KCNMB2: variants seen among roughly 807,000 people sequenced by gnomAD.
The protein encoded by KCNMB2 is calcium-activated potassium channel subunit beta-2.
KCNMB2 carries 9 observed loss-of-function variants against 24.5 expected under a neutral mutation model. The observed-to-expected ratio is 0.37, with a 90% CI of 0.22 to 0.64. KCNMB2 has a LOEUF of 0.64. Among genes scored for constraint, KCNMB2 ranks in the 30% least tolerant of loss-of-function variants. The probability of loss-of-function intolerance (pLI) is 0.63; values close to 1 mark genes in which losing one functional copy is unlikely to be tolerated. For synonymous variants in KCNMB2, 109 were observed against 104.4 expected, an observed-to-expected ratio of 1.04 and a Z score of -0.27; for missense variants, 226 against 284.3, an observed-to-expected ratio of 0.79 and a Z score of 1.47.
intron 1 of KCNMB2, among the ~76,000 whole-genome samples, chr3:178,629,003 A>G (rs1328457700): frequency 6.6e-6 from 1 of 152,160 alleles, no homozygotes; most frequent in African/African-American, 2.4e-5. Flanking sequence ...ATTTAACTGA[A>G]GCAAATTTAA....
chr3:178,785,844 T>C (rs1713080142), intron 1 of KCNMB2, among the ~76,000 whole-genome samples: 1 of 152,162 alleles, frequency 6.6e-6, no homozygotes. Context: ...AATAAACAGC[T>C]CTGTGTAAAT....
intron 4 of KCNMB2, among the ~76,000 whole-genome samples, chr3:178,840,364 CT>C (rs1359071087): frequency 6.6e-6 from 1 of 152,198 alleles, no homozygotes; most frequent in African/African-American, 2.4e-5. Context: ...ACAGTGCAAG[CT>C]GTCGGTGGAT....
At chr3:178,782,303 C>T (rs1166800650) in intron 1 of KCNMB2, among the ~76,000 whole-genome samples, 2 of 135,164 alleles carry the variant, frequency 1.5e-5, no homozygotes, top group Non-Finnish European at 3.2e-5. Context: ...TGGGTATATA[C>T]CCAGTAATGG....
chr3:178,547,822 C>G (rs551302973), intron 1 of KCNMB2, among the ~76,000 whole-genome samples: 8 of 152,308 alleles, frequency 5.3e-5, no homozygotes, highest in African/African-American at 1.9e-4. Flanking sequence ...TGTCTACTAC[C>G]TATGTTGACA....
chr3:178,559,358 A>T (rs1716233878), intron 1 of KCNMB2, among the ~76,000 whole-genome samples: 1 of 152,248 alleles, frequency 6.6e-6, no homozygotes, highest in South Asian at 2.1e-4. Context: ...CAACTTTAAT[A>T]TAATACATTG....
intron 1 of KCNMB2, among the ~76,000 whole-genome samples, chr3:178,690,938 AT>A (rs1721648381): frequency 1.3e-5 from 2 of 151,700 alleles, no homozygotes; most frequent in Admixed American, 1.3e-4. Flanking sequence ...TTTTATGTTT[AT>A]AATCTTTTAT....
chr3:178,728,024 T>C (rs773034762), intron 1 of KCNMB2, among the ~76,000 whole-genome samples: 2 of 152,228 alleles, frequency 1.3e-5, no homozygotes, highest in Non-Finnish European at 2.9e-5. Flanking sequence ...AGACTGTGAG[T>C]GCCTTGGAAA....
At chr3:178,705,491 G>T (rs917616502) in intron 1 of KCNMB2, among the ~76,000 whole-genome samples, 2 of 152,042 alleles carry the variant, frequency 1.3e-5, no homozygotes, top group South Asian at 2.1e-4. Context: ...CTATCTTCAA[G>T]TAATATAAAT....
chr3:178,725,935 C>T (rs927976777), intron 1 of KCNMB2, among the ~76,000 whole-genome samples: 13 of 151,752 alleles, frequency 8.6e-5, no homozygotes, highest in Admixed American at 6.6e-4. Flanking sequence ...AGATCATTTG[C>T]TTTTAATATA....
intron 1 of KCNMB2, among the ~76,000 whole-genome samples, chr3:178,743,914 T>C (rs986362856): frequency 6.6e-6 from 1 of 152,210 alleles, no homozygotes; most frequent in African/African-American, 2.4e-5. Flanking sequence ...TTGAAGAGAA[T>C]GTAACATTGG....
At chr3:178,796,974 A>G (rs573331298) in intron 1 of KCNMB2, among the ~76,000 whole-genome samples, 1 of 152,176 alleles carries the variant, frequency 6.6e-6, no homozygotes, top group African/African-American at 2.4e-5. Flanking sequence ...TTTTGAAAAG[A>G]TAAAGTTGAA....
At chr3:178,598,825 G>A (rs1717973489) in intron 1 of KCNMB2, among the ~76,000 whole-genome samples, 1 of 152,120 alleles carries the variant, frequency 6.6e-6, no homozygotes, top group Non-Finnish European at 1.5e-5. Flanking sequence ...ATTAAGAGGT[G>A]TATGCACTCT....
At chr3:178,681,160 C>T (rs10936977) in intron 1 of KCNMB2, among the ~76,000 whole-genome samples, 4,891 of 152,218 alleles carry the variant, frequency 0.032, 200 homozygotes, top group East Asian at 0.17. Context: ...GAGTCAGAGG[C>T]CAGAACACAG....
chr3:178,644,864 C>T (rs972804199), intron 1 of KCNMB2, among the ~76,000 whole-genome samples: 2 of 151,880 alleles, frequency 1.3e-5, no homozygotes, highest in Admixed American at 6.6e-5. Context: ...AGTTTACCCA[C>T]CTATAAAATA....
chr3:178,639,925 CA>C (rs1222968077), intron 1 of KCNMB2, among the ~76,000 whole-genome samples: 3 of 152,130 alleles, frequency 2.0e-5, no homozygotes, highest in Admixed American at 2.0e-4. Flanking sequence ...GGGATGGAAT[CA>C]GTGTGAGCAT....
intron 1 of KCNMB2, among the ~76,000 whole-genome samples, chr3:178,635,134 G>A (rs1719471364): frequency 6.6e-6 from 1 of 152,138 alleles, no homozygotes; most frequent in African/African-American, 2.4e-5. Flanking sequence ...GGCTGGAGAG[G>A]AAACAGCAAT....
intron 1 of KCNMB2, among the ~76,000 whole-genome samples, chr3:178,637,306 T>G (rs906727236): frequency 3.3e-5 from 5 of 152,214 alleles, no homozygotes; most frequent in Non-Finnish European, 7.3e-5. Flanking sequence ...GTTGAATTAA[T>G]TTACACTCCC....
chr3:178,594,700 A>G (rs1455751208), intron 1 of KCNMB2, among the ~76,000 whole-genome samples: 4 of 152,112 alleles, frequency 2.6e-5, no homozygotes, highest in African/African-American at 9.7e-5. Context: ...GGCTGCAACT[A>G]CATAAATTAA....
chr3:178,800,187 C>A (rs912997596), intron 1 of KCNMB2, among the ~76,000 whole-genome samples: 2 of 151,990 alleles, frequency 1.3e-5, no homozygotes, highest in Non-Finnish European at 1.5e-5. Context: ...GGGATCACAT[C>A]AAGTTAAAAA....
Sources: gnomAD v4.1 joint callset for allele counts (sites outside exome capture counted in the v4.1 genomes callset) on GRCh38, gnomAD v4.1.1 for gene constraint, MANE v1.5 for transcripts, NCBI Gene and HGNC (gene_info 2026-07-23, HGNC 2026-07-21) for gene names.